LYAR: variants seen among roughly 807,000 people sequenced by gnomAD.
LYAR encodes cell growth-regulating nucleolar protein.
A neutral mutation model predicts 45.2 loss-of-function variants in LYAR; 37 were observed. The ratio of observed to expected loss-of-function variants is 0.82; its 90% CI spans 0.63 to 1.08. The LOEUF is 1.08. Ranked by LOEUF, LYAR falls within the 50% of genes least tolerant of loss-of-function variation. The pLI, the probability that LYAR is intolerant of heterozygous loss-of-function variation, is 0.00. For missense variants in LYAR, 493 were observed against 451.0 expected (o/e 1.09, Z -0.84); for synonymous variants, 176 against 155.1 (o/e 1.14, Z -1.00).
At chr4:4,272,586 A>C (rs1718979328) in intron 8 of LYAR, among the ~76,000 whole-genome samples, 4 of 152,190 alleles carry the variant, frequency 2.6e-5, no homozygotes, top group Admixed American at 2.6e-4. Flanking sequence ...TGTCTCTCTA[A>C]ATATCTTATT....
intron 2 of LYAR, among the ~76,000 whole-genome samples, chr4:4,284,453 G>A (rs3775336): frequency 6.6e-5 from 10 of 151,792 alleles, no homozygotes; most frequent in East Asian, 3.9e-4. Context: ...GAGGACATGC[G>A]CCTCAGCTGT....
At chr4:4,277,207 C>G (rs1472669339) in intron 6 of LYAR, among the ~76,000 whole-genome samples, 1 of 152,040 alleles carries the variant, frequency 6.6e-6, no homozygotes, top group Non-Finnish European at 1.5e-5. Context: ...CCACCACACC[C>G]AGCTAATTTT....
At position 4,274,783 on chromosome 4, in the gene LYAR, A is replaced by T; in HGVS notation, c.430-14T>A. 1 of 1,577,014 alleles carries T rather than the reference A, an allele frequency of 6.3e-7. No homozygotes were observed. The highest frequency in any genetic ancestry group is 8.6e-7 in the Non-Finnish European group (1 of 1,168,332). On this transcript the variant is annotated splice_polypyrimidine_tract_variant and intron_variant, in intron 6 of 9. Coordinates refer to ENST00000343470, the MANE Select transcript of LYAR (RefSeq NM_017816.3). Reference sequence around the variant, plus strand: ...ATTGACTGGTTCCTTATCATTAAGCAAAAGCAAGAAACACATATTCATTTT... The same window carrying T: ...ATTGACTGGTTCCTTATCATTAAGCTAAAGCAAGAAACACATATTCATTTT...
chr4:4,289,233 TTCTC>T (rs1719754247), intron 1 of LYAR, among the ~76,000 whole-genome samples: 4 of 152,094 alleles, frequency 2.6e-5, no homozygotes, highest in Admixed American at 1.3e-4. Context: ...CAGAAGCCAT[TTCTC>T]TCTGCCTCCT....
rs1719406648 is a variant in LYAR, at chr4:4,281,836, C to G, written c.184G>C (p.Gly62Arg). 6.2e-7 allele frequency: 1 copy of G among 1,614,172 alleles called. No individual in the cohort carries two copies. Among genetic ancestry groups the G allele is most frequent in the Non-Finnish European group, 8.5e-7 (1 of 1,180,016 alleles). The change falls in exon 4 of 10, where the codon GGC becomes CGC. Residue 62 changes from glycine to arginine, a missense_variant. Transcript: ENST00000343470. ...ISEDQKYGGK[G>R]YEGKTHKGDI... ...CCTTTGTGGGTTTTACCTTCATAGC[C>G]TTTGCCACCATACTTCTGATCTTCA...
At chr4:4,276,767 G>A (rs189462759) in intron 6 of LYAR, among the ~76,000 whole-genome samples, 314 of 151,762 alleles carry the variant, frequency 2.1e-3, no homozygotes, top group African/African-American at 7.3e-3. Context: ...TGGGACAGGA[G>A]AATCACTTGA....
chr4:4,277,814 A>G (rs564918610), intron 6 of LYAR, among the ~76,000 whole-genome samples: 1 of 152,300 alleles, frequency 6.6e-6, no homozygotes, highest in Admixed American at 6.5e-5. Context: ...AAAGCATCCG[A>G]CCTGACATCT....
chr4:4,274,058 G>A (rs552485463), intron 7 of LYAR, among the ~76,000 whole-genome samples: 4 of 152,232 alleles, frequency 2.6e-5, no homozygotes, highest in Non-Finnish European at 4.4e-5. Context: ...CTAACATGGC[G>A]AAACCCCATC....
At chr4:4,285,935 T>C (rs1719592982) in intron 2 of LYAR, among the ~76,000 whole-genome samples, 1 of 152,256 alleles carries the variant, frequency 6.6e-6, no homozygotes, top group African/African-American at 2.4e-5. Context: ...CCAAACATTC[T>C]ATCTCTCTGG....
intron 7 of LYAR, among the ~76,000 whole-genome samples, chr4:4,273,897 C>T (rs1719057018): frequency 6.6e-6 from 1 of 152,170 alleles, no homozygotes; most frequent in African/African-American, 2.4e-5. Flanking sequence ...CAGGGCCCAC[C>T]TCTGCCTGGC....
chr4:4,288,587 G>A (rs1453212595), intron 1 of LYAR, among the ~76,000 whole-genome samples: 2 of 150,486 alleles, frequency 1.3e-5, no homozygotes, highest in Non-Finnish European at 2.9e-5. Context: ...CCAGGTTCAA[G>A]TGATTCTCCG....
At chr4:4,274,320 C>A in intron 7 of LYAR, 47 bp downstream of exon 7, 1 of 1,571,606 alleles carries the variant, frequency 6.4e-7, no homozygotes, top group Non-Finnish European at 8.6e-7. Context: ...AAATTCACAG[C>A]TTTCCCGGTT....
chr4:4,273,560 C>T (rs2272740), intron 8 of LYAR, 23 bp downstream of exon 8: 339,524 of 1,579,734 alleles, frequency 0.21, 47,460 homozygotes, highest in African/African-American at 0.61. Flanking sequence ...AGCCGTGCTC[C>T]TCAAATGACA....
intron 6 of LYAR, among the ~76,000 whole-genome samples, chr4:4,277,957 G>A (rs1309846986): frequency 4.6e-5 from 7 of 152,280 alleles, no homozygotes; most frequent in Middle Eastern, 6.8e-3. Context: ...GACAAGCTGC[G>A]TTTCGCAGAG....
chr4:4,279,278 G>C (rs1719304694), intron 6 of LYAR, among the ~76,000 whole-genome samples, 169 bp downstream of exon 6: 1 of 152,152 alleles, frequency 6.6e-6, no homozygotes, highest in South Asian at 2.1e-4. Flanking sequence ...GTTGCAGTGA[G>C]CCACGATCGC....
At chr4:4,271,901 C>T (rs1354572540) in intron 8 of LYAR, among the ~76,000 whole-genome samples, 1 of 152,204 alleles carries the variant, frequency 6.6e-6, no homozygotes, top group Admixed American at 6.5e-5. Flanking sequence ...CGGGATACTC[C>T]TCACCAATAA....
rs141110282 is a variant in LYAR at position 4,281,981 on chromosome 4, G to C, written c.123-84C>G. 3,030 of 796,670 alleles carry C rather than the reference G, an allele frequency of 3.8e-3. 56 individuals carry two copies. The African/African-American group carries it at 0.045, about 12-fold the overall frequency. The allele number at this position is 796,670 out of a possible 1,614,324, so 49.4% of individuals were successfully genotyped here. On this transcript the variant is annotated intron_variant, in intron 3 of 9. Coordinates refer to ENST00000343470, the MANE Select transcript of LYAR (RefSeq NM_017816.3). ...CCAGCATGCTGCCACTATCTTCTGT[G>C]GTCTACACTGTATATTTTCACATGT...
At chr4:4,269,326 T>C (rs532319246) in intron 8 of LYAR, among the ~76,000 whole-genome samples, 1 of 152,238 alleles carries the variant, frequency 6.6e-6, no homozygotes, top group African/African-American at 2.4e-5. Context: ...CAGAAAACTT[T>C]TGTATAATAA....
At position 4,274,810 on chromosome 4, in the gene LYAR, A is replaced by C. The variant is rs1366767520; in HGVS notation, c.430-41T>G. The stretch of plus-strand genomic sequence containing the variant: ...AAGCAAGAAACACATATTCATTTTA[A>C]ATGTGTAAATAGAGTTGTCACGTTA... On this transcript the variant is annotated intron_variant, in intron 6 of 9. Transcript: ENST00000343470. 3.2e-6 allele frequency: 5 copies of C among 1,539,590 alleles called. No individual in the cohort carries two copies. In the South Asian group the frequency reaches 6.2e-5, roughly 19 times the overall value.
Sources: gnomAD v4.1 joint callset for allele counts (sites outside exome capture counted in the v4.1 genomes callset) on GRCh38, gnomAD v4.1.1 for gene constraint, MANE v1.5 for transcripts, NCBI Gene and HGNC (gene_info 2026-07-23, HGNC 2026-07-21) for gene names.